Variants in RNLS observed in about 807,000 individuals in gnomAD.
RNLS encodes renalase.
A neutral mutation model predicts 39.8 loss-of-function variants in RNLS; 39 were observed. That is an observed-to-expected ratio of 0.98 (90% CI 0.76 to 1.28). The LOEUF (loss-of-function observed/expected upper bound fraction) is 1.28, where lower values mean the gene tolerates loss of function less well. Among genes scored for constraint, RNLS ranks in the 50% most tolerant of loss-of-function variants. The pLI, the probability that RNLS is intolerant of heterozygous loss-of-function variation, is 0.00. For synonymous variants in RNLS, 147 were observed against 150.7 expected (o/e 0.98, Z 0.18); for missense variants, 410 against 413.3 (o/e 0.99, Z 0.07).
chr10:88,560,941 AACACACACACACACACACACACAC>A, intron 4 of RNLS, among the ~76,000 whole-genome samples: 2 of 145,810 alleles, frequency 1.4e-5, no homozygotes, highest in Admixed American at 1.4e-4. Flanking sequence ...GTTCAGAGAT[AACACACACACACACACACACACAC>A]ACACACACAT....
At chr10:88,445,005 G>C (rs1841953443) in intron 4 of RNLS, among the ~76,000 whole-genome samples, 1 of 152,078 alleles carries the variant, frequency 6.6e-6, no homozygotes, top group South Asian at 2.1e-4. Flanking sequence ...ACAACTCCAA[G>C]ACACATAATG....
At chr10:88,575,490 G>A (rs913693587) in intron 3 of RNLS, among the ~76,000 whole-genome samples, 8 of 151,786 alleles carry the variant, frequency 5.3e-5, no homozygotes, top group East Asian at 1.9e-4. Context: ...AGGTGGACAC[G>A]CCCAAATCAA....
Position 88,421,118 on chromosome 10 carries a change from C to T in RNLS, c.527-58393G>A, listed in dbSNP as rs373317257. ...CAGGAACAAGCCTATCACTCTCTGC[C>T]AGCAAAGTAACAGCTTGGAGAGGTA... On this transcript the variant is annotated intron_variant, in intron 4 of 6. Coordinates refer to ENST00000331772, the MANE Select transcript of RNLS (RefSeq NM_001031709.3). Among the ~76,000 whole-genome samples, 193 of 152,336 alleles carry T rather than the reference C, an allele frequency of 1.3e-3. 2 individuals are homozygous for T. The South Asian group carries it at 0.039, about 31-fold the overall frequency.
chr10:88,523,710 A>G (rs181677796), intron 4 of RNLS, among the ~76,000 whole-genome samples: 1 of 152,178 alleles, frequency 6.6e-6, no homozygotes, highest in Non-Finnish European at 1.5e-5. Flanking sequence ...AAAGAAGCCA[A>G]AGAAAGTCCT....
At chr10:88,282,478 TACACACACACACACACACACACACACAC>T (rs60829171), downstream of RNLS, among the ~76,000 whole-genome samples, 7 of 142,932 alleles carry the variant, frequency 4.9e-5, no homozygotes, top group Non-Finnish European at 7.6e-5. Context: ...AAAGTGAAAA[TACACACACACACACACACACACACACAC>T]ACACACACAC....
At chr10:88,544,257 A>G (rs1026250010) in intron 4 of RNLS, among the ~76,000 whole-genome samples, 3 of 152,184 alleles carry the variant, frequency 2.0e-5, no homozygotes, top group African/African-American at 7.2e-5. Flanking sequence ...GAATTTCTCT[A>G]CATACTTCTA....
the RNLS span, among the ~76,000 whole-genome samples, chr10:88,225,797 T>C: frequency 6.6e-6 from 1 of 152,208 alleles, no homozygotes; most frequent in Non-Finnish European, 1.5e-5. Context: ...TAACTAGTTA[T>C]TTAATTAAAA....
intron 4 of RNLS, among the ~76,000 whole-genome samples, chr10:88,409,353 A>AAAT (rs1161781272): frequency 2.6e-5 from 4 of 152,180 alleles, no homozygotes; most frequent in Admixed American, 1.3e-4. Flanking sequence ...CTTGTGCTAT[A>AAAT]AGAACAAAGC....
At chr10:88,467,856 T>C (rs1009514819) in intron 4 of RNLS, among the ~76,000 whole-genome samples, 1 of 152,088 alleles carries the variant, frequency 6.6e-6, no homozygotes, top group East Asian at 1.9e-4. Context: ...ATTAGAAAGG[T>C]AGAATCTCAG....
At chr10:88,548,154 C>G (rs1351041951) in intron 4 of RNLS, among the ~76,000 whole-genome samples, 1 of 148,822 alleles carries the variant, frequency 6.7e-6, no homozygotes, top group Non-Finnish European at 1.5e-5. Flanking sequence ...CCCAGCTACT[C>G]CGGAGGCTGA....
intron 4 of RNLS, among the ~76,000 whole-genome samples, chr10:88,440,213 A>G (rs1426407609): frequency 1.3e-5 from 2 of 152,104 alleles, no homozygotes; most frequent in Non-Finnish European, 2.9e-5. Flanking sequence ...TCCTCTTGAC[A>G]TCTTAACAAG....
At chr10:88,276,394 T>C (rs986485515) in intron 6 of RNLS, among the ~76,000 whole-genome samples, 6 of 152,090 alleles carry the variant, frequency 3.9e-5, no homozygotes, top group African/African-American at 1.4e-4. Flanking sequence ...CTCTATATGG[T>C]TTTGGGGGAG....
downstream of RNLS, among the ~76,000 whole-genome samples, chr10:88,270,390 C>T (rs1305538536): frequency 6.6e-6 from 1 of 152,126 alleles, no homozygotes; most frequent in East Asian, 1.9e-4. Context: ...GCCAGGCACT[C>T]CAAAGGCAAT....
At chr10:88,537,004 A>G (rs1847797120) in intron 4 of RNLS, among the ~76,000 whole-genome samples, 2 of 152,214 alleles carry the variant, frequency 1.3e-5, no homozygotes, top group African/African-American at 4.8e-5. Context: ...AGCGAGTAGC[A>G]TATTACCAAT....
the RNLS span, among the ~76,000 whole-genome samples, chr10:88,248,836 C>G: frequency 6.6e-6 from 1 of 152,210 alleles, no homozygotes; most frequent in African/African-American, 2.4e-5. Flanking sequence ...CTTGTCCGTA[C>G]AGTGGGGATA....
chr10:88,467,145 A>T (rs1335666732), intron 4 of RNLS, among the ~76,000 whole-genome samples: 1 of 152,004 alleles, frequency 6.6e-6, no homozygotes, highest in Non-Finnish European at 1.5e-5. Flanking sequence ...AGACTCCATT[A>T]TTTCATTTTG....
At chr10:88,347,451 T>C (rs753038110) in intron 5 of RNLS, among the ~76,000 whole-genome samples, 1 of 152,140 alleles carries the variant, frequency 6.6e-6, no homozygotes, top group Non-Finnish European at 1.5e-5. Flanking sequence ...TCTGTTTTAA[T>C]TCAAAATAAG....
At chr10:88,266,044 T>C in the RNLS span, among the ~76,000 whole-genome samples, 1 of 152,314 alleles carries the variant, frequency 6.6e-6, no homozygotes, top group African/African-American at 2.4e-5. Context: ...GTGACTGTAA[T>C]TTCCTGGGCT....
the RNLS span, among the ~76,000 whole-genome samples, chr10:88,230,518 C>T: frequency 6.6e-6 from 1 of 152,184 alleles, no homozygotes; most frequent in Non-Finnish European, 1.5e-5. Context: ...CCCTCCAATG[C>T]ATCTCACACA....
Sources: allele counts gnomAD v4.1 joint callset (sites outside exome capture counted in the v4.1 genomes callset), GRCh38; gene constraint gnomAD v4.1.1; transcripts MANE v1.5; gene names NCBI Gene and HGNC (gene_info 2026-07-23, HGNC 2026-07-21).